The following TBCK variants were observed in gnomAD, a reference collection of about 807,000 sequenced individuals.
TBCK encodes the protein TBC domain-containing protein kinase-like protein.
A neutral mutation model predicts 113.4 loss-of-function variants in TBCK; 99 were observed. The ratio of observed to expected loss-of-function variants is 0.87; its 90% confidence interval spans 0.74 to 1.03. The LOEUF is 1.03. Ranked by LOEUF, TBCK falls within the 50% of genes least tolerant of loss-of-function variation. The pLI, the probability that TBCK is intolerant of heterozygous loss-of-function variation, is 0.00. For synonymous variants in TBCK, 369 were observed against 370.8 expected (o/e 1.00, Z 0.05); for missense variants, 1,045 against 1,061.3 (o/e 0.98, Z 0.21).
chr4:106,113,911 C>G (rs1743171074), intron 24 of TBCK, among the ~76,000 whole-genome samples: 1 of 152,188 alleles, frequency 6.6e-6, no homozygotes, highest in Non-Finnish European at 1.5e-5. Flanking sequence ...CAGCTTCTAA[C>G]AACACGACTG....
intron 23 of TBCK, among the ~76,000 whole-genome samples, chr4:106,124,001 G>A (rs1301333043): frequency 2.6e-5 from 4 of 151,322 alleles, no homozygotes; most frequent in Non-Finnish European, 5.9e-5. Flanking sequence ...ATTGACAAAC[G>A]GGATCTAATT....
At position 106,232,928 on chromosome 4, in the gene TBCK, C is replaced by T. The variant is rs1759027698; in HGVS notation, c.1639+10G>A. On this transcript the variant is annotated intron_variant, in intron 17 of 25. Transcript: ENST00000394708. ...TACTCCAGAGGAGTTTTAATGACTA[C>T]AAAAGTTACCTTGCCAATACACAAG... The T allele has an allele frequency of 1.9e-6, 3 of 1,608,916 alleles. No individual in the cohort carries two copies. Among genetic ancestry groups the T allele is most frequent in the East Asian group, 2.2e-5 (1 of 44,694 alleles).
At chr4:106,139,392 AT>A (rs1746932812) in intron 23 of TBCK, among the ~76,000 whole-genome samples, 1 of 142,122 alleles carries the variant, frequency 7.0e-6, no homozygotes, top group South Asian at 2.4e-4. Flanking sequence ...TTTGAATGCA[AT>A]TAAGATGTCC....
At chr4:106,064,627 G>A (rs1736421304) in intron 25 of TBCK, among the ~76,000 whole-genome samples, 1 of 151,882 alleles carries the variant, frequency 6.6e-6, no homozygotes. Flanking sequence ...GTGATACACT[G>A]TTGGGGATAA....
intron 23 of TBCK, among the ~76,000 whole-genome samples, chr4:106,157,097 C>T (rs1749216537): frequency 6.6e-6 from 1 of 152,136 alleles, no homozygotes; most frequent in Non-Finnish European, 1.5e-5. Flanking sequence ...CCCTTCAAGG[C>T]AGCAGGTTCC....
At chr4:106,238,174 A>T (rs1297459746) in intron 12 of TBCK, among the ~76,000 whole-genome samples, 4 of 152,088 alleles carry the variant, frequency 2.6e-5, no homozygotes, top group Non-Finnish European at 5.9e-5. Flanking sequence ...CTGAAATCAT[A>T]TATTTTGGAT....
intron 25 of TBCK, among the ~76,000 whole-genome samples, chr4:106,074,121 C>G (rs1737870006): frequency 6.6e-6 from 1 of 152,204 alleles, no homozygotes; most frequent in Non-Finnish European, 1.5e-5. Flanking sequence ...GCTGCACCCA[C>G]TGTCCAAGCA....
At chr4:106,200,204 T>A (rs1475530801) in intron 20 of TBCK, among the ~76,000 whole-genome samples, 1 of 152,200 alleles carries the variant, frequency 6.6e-6, no homozygotes, top group Admixed American at 6.6e-5. Flanking sequence ...CATTTATTCA[T>A]AAGTCAACTT....
intron 23 of TBCK, among the ~76,000 whole-genome samples, chr4:106,146,891 A>G (rs565039273): frequency 9.2e-5 from 14 of 152,138 alleles, no homozygotes; most frequent in Admixed American, 7.9e-4. Flanking sequence ...CTCCTCTCAA[A>G]CCTTGCTGTT....
chr4:106,206,777 A>C (rs1755550213), intron 20 of TBCK, among the ~76,000 whole-genome samples: 1 of 152,236 alleles, frequency 6.6e-6, no homozygotes, highest in African/African-American at 2.4e-5. Context: ...CTGAATATAC[A>C]TTTTGAAAAT....
chr4:106,155,707 AAGTAT>A (rs969731057), intron 23 of TBCK, among the ~76,000 whole-genome samples: 113 of 152,124 alleles, frequency 7.4e-4, no homozygotes, highest in African/African-American at 2.5e-3. Flanking sequence ...GCACTTTTTC[AAGTAT>A]AGAATTCCTG....
rs970230186 is a variant in TBCK at position 106,240,338 on chromosome 4, G to A, written c.1170+2132C>T. Among the ~76,000 whole-genome samples, 2 of 151,534 alleles carry A rather than the reference G, an allele frequency of 1.3e-5. 1 individual carries two copies. The highest frequency in any genetic ancestry group is 4.2e-4 in the South Asian group (2 of 4,808). Reference sequence around the variant, plus strand: ...GTTTCTATTCAATAGCGTTATAGACGCTCAGCAAAAATAATGAGAAAAGAT... The same window carrying A: ...GTTTCTATTCAATAGCGTTATAGACACTCAGCAAAAATAATGAGAAAAGAT... On this transcript the variant is annotated intron_variant, in intron 12 of 25. Transcript: ENST00000394708.
In TBCK at chr4:106,270,755, C is replaced by A. The variant is rs1310524797; in HGVS notation, c.267-8543G>T. Reference sequence around the variant, plus strand: ...CCTGAATAATATGGATTGCTTATTACAGCATCTGCAAGACAGCATATTGTA... The same window carrying A: ...CCTGAATAATATGGATTGCTTATTAAAGCATCTGCAAGACAGCATATTGTA... On this transcript the variant is annotated intron_variant, in intron 3 of 25. Transcript: ENST00000394708. Among the ~76,000 whole-genome samples the A allele has an allele frequency of 3.9e-5, 6 of 152,130 alleles. No individual in the cohort carries two copies. The East Asian group carries it at 1.2e-3, about 29-fold the overall frequency.
chr4:106,052,146 A>G (rs977860271), intron 25 of TBCK, among the ~76,000 whole-genome samples: 1 of 151,810 alleles, frequency 6.6e-6, no homozygotes, highest in African/African-American at 2.4e-5. Context: ...TGGTTTTCAT[A>G]GTAATAATAT....
intron 24 of TBCK, among the ~76,000 whole-genome samples, chr4:106,114,003 C>T (rs891506235): frequency 2.0e-5 from 3 of 152,206 alleles, no homozygotes; most frequent in Non-Finnish European, 2.9e-5. Context: ...AGTAACACTA[C>T]ATGTCACTCC....
At position 106,182,515 on chromosome 4, in the gene TBCK, T is replaced by C. The variant is rs540632515; in HGVS notation, c.2059+11094A>G. On this transcript the variant is annotated intron_variant, in intron 22 of 25. Coordinates refer to ENST00000394708, the MANE Select transcript of TBCK (RefSeq NM_001163435.3). Reference sequence around the variant, plus strand: ...ATATTGGCTGTGGGTCCGTCACAAATAGCTCTTATTATGTTGAGATACATT... The same window carrying C: ...ATATTGGCTGTGGGTCCGTCACAAACAGCTCTTATTATGTTGAGATACATT... The C allele has an allele frequency of 4.6e-5, 7 of 152,224 alleles. No homozygotes were observed. The East Asian group carries it at 1.4e-3, about 29-fold the overall frequency. 9.4% of individuals were successfully genotyped at this position (152,224 alleles called of 1,614,324 possible).
At chr4:106,059,948 A>G (rs1424278080) in intron 25 of TBCK, among the ~76,000 whole-genome samples, 1 of 151,802 alleles carries the variant, frequency 6.6e-6, no homozygotes, top group African/African-American at 2.4e-5. Flanking sequence ...TGGTCTGGAT[A>G]GGAGATCAAA....
At chr4:106,060,553 T>C (rs1375399371) in intron 25 of TBCK, among the ~76,000 whole-genome samples, 2 of 151,808 alleles carry the variant, frequency 1.3e-5, no homozygotes, top group African/African-American at 4.8e-5. Context: ...CAAAATATTA[T>C]TGCTCATTGA....
At chr4:106,152,464 T>C (rs543688171) in intron 23 of TBCK, among the ~76,000 whole-genome samples, 1 of 152,222 alleles carries the variant, frequency 6.6e-6, no homozygotes, top group South Asian at 2.1e-4. Flanking sequence ...ATCTTTTCAA[T>C]GTGTTGTTAA....
Sources: allele counts gnomAD v4.1 joint callset (sites outside exome capture counted in the v4.1 genomes callset), GRCh38; gene constraint gnomAD v4.1.1; transcripts MANE v1.5; gene names NCBI Gene and HGNC (gene_info 2026-07-23, HGNC 2026-07-21).